Variants in DACH2 observed in about 807,000 individuals in gnomAD.
DACH2 encodes the protein dachshund family transcription factor 2, also known as dachshund homolog 2.
DACH2 carries 17 observed loss-of-function variants against 35.8 expected under a neutral mutation model. The observed-to-expected ratio is 0.48, with a 90% CI of 0.33 to 0.71. DACH2 has a LOEUF of 0.71. Ranked by LOEUF, DACH2 falls within the 30% of genes least tolerant of loss-of-function variation. DACH2 has a pLI of 0.02. For synonymous variants in DACH2, 195 were observed against 177.3 expected (o/e 1.10, Z -0.79); for missense variants, 469 against 472.7 (o/e 0.99, Z 0.07).
At chrX:86,604,157 T>C (rs1943036422) in intron 3 of DACH2, among the ~76,000 whole-genome samples, 2 of 111,464 alleles carry the variant, frequency 1.8e-5, no homozygotes, top group Non-Finnish European at 3.8e-5. Flanking sequence ...AATTTTAAAA[T>C]AATGTTGTTT....
At chrX:86,460,031 C>T (rs1050952789) in intron 2 of DACH2, among the ~76,000 whole-genome samples, 5 of 110,269 alleles carry the variant, frequency 4.5e-5, no homozygotes, top group Non-Finnish European at 7.6e-5. Context: ...AATTTTTTCT[C>T]CTAGTTTTAT....
chrX:86,418,524 C>G (rs2036747690), intron 2 of DACH2, among the ~76,000 whole-genome samples: 1 of 112,120 alleles, frequency 8.9e-6, no homozygotes, highest in Non-Finnish European at 1.9e-5. Flanking sequence ...GGCTTGCACC[C>G]TCTGAAGCCA....
chrX:86,225,042 C>A (rs951523003), intron 1 of DACH2, among the ~76,000 whole-genome samples: 3 of 111,165 alleles, frequency 2.7e-5, no homozygotes, highest in African/African-American at 9.8e-5. Flanking sequence ...ATTTGCGAGC[C>A]CTGGCATTAA....
intron 2 of DACH2, among the ~76,000 whole-genome samples, chrX:86,407,337 C>CT (rs2036542164): frequency 1.8e-5 from 2 of 111,700 alleles, no homozygotes; most frequent in Non-Finnish European, 3.8e-5. Context: ...TACACTGTTA[C>CT]TTTTTTATGA....
intron 2 of DACH2, among the ~76,000 whole-genome samples, chrX:86,389,117 C>G (rs940317843): frequency 8.9e-6 from 1 of 111,866 alleles, no homozygotes; most frequent in African/African-American, 3.2e-5. Flanking sequence ...ACTACTCATT[C>G]GTAGTATCAA....
intron 7 of DACH2, among the ~76,000 whole-genome samples, chrX:86,771,962 G>A (rs184075272): frequency 1.6e-3 from 183 of 111,636 alleles, no homozygotes; most frequent in African/African-American, 5.4e-3. Context: ...TCAGTTCAGC[G>A]TACTACAAGC....
intron 11 of DACH2, among the ~76,000 whole-genome samples, chrX:86,821,925 C>T (rs1892472041): frequency 9.0e-6 from 1 of 111,669 alleles, no homozygotes; most frequent in Non-Finnish European, 1.9e-5. Flanking sequence ...GTTGAGTCTA[C>T]AGGAGTAATT....
chrX:86,451,952 T>G (rs1232025296), intron 2 of DACH2, among the ~76,000 whole-genome samples: 1 of 111,867 alleles, frequency 8.9e-6, no homozygotes, highest in Non-Finnish European at 1.9e-5. Context: ...TTTCAGCTTT[T>G]GCTTATATAT....
chrX:86,497,090 G>T (rs1433849326), intron 2 of DACH2, among the ~76,000 whole-genome samples: 2 of 111,845 alleles, frequency 1.8e-5, no homozygotes, highest in African/African-American at 6.5e-5. Context: ...GATAGAGAAA[G>T]ACTTTAATCT....
intron 4 of DACH2, among the ~76,000 whole-genome samples, chrX:86,654,619 A>G (rs2040520197): frequency 9.0e-6 from 1 of 111,525 alleles, no homozygotes. Context: ...ATAGATAAGA[A>G]TAAAATTAAC....
intron 7 of DACH2, among the ~76,000 whole-genome samples, chrX:86,772,523 G>C (rs183898238): frequency 3.1e-4 from 34 of 111,424 alleles, no homozygotes; most frequent in Non-Finnish European, 5.5e-4. Context: ...TAAAAGTAAC[G>C]CATGAGTGTT....
chrX:86,400,201 G>A (rs764188354), intron 2 of DACH2, among the ~76,000 whole-genome samples: 7 of 111,688 alleles, frequency 6.3e-5, no homozygotes, highest in South Asian at 3.8e-4. Context: ...CATTCATCAC[G>A]TAATTCTCAT....
chrX:86,564,699 A>C (rs1373843775), intron 3 of DACH2, among the ~76,000 whole-genome samples: 5 of 111,541 alleles, frequency 4.5e-5, no homozygotes, highest in African/African-American at 1.6e-4. Context: ...ATGTAATATG[A>C]AATCTTCTAA....
At chrX:86,640,154 C>A (rs1019177289) in intron 3 of DACH2, among the ~76,000 whole-genome samples, 2 of 110,844 alleles carry the variant, frequency 1.8e-5, no homozygotes, top group Middle Eastern at 4.6e-3. Flanking sequence ...CATATCTCCT[C>A]ATCTGGCAGG....
chrX:86,442,542 T>G (rs775434271), intron 2 of DACH2, among the ~76,000 whole-genome samples: 1 of 110,233 alleles, frequency 9.1e-6, no homozygotes, highest in Non-Finnish European at 1.9e-5. Flanking sequence ...GTGCAGAAAC[T>G]TTTAAGTTTG....
chrX:86,410,844 G>A (rs983843137), intron 2 of DACH2, among the ~76,000 whole-genome samples: 1 of 106,179 alleles, frequency 9.4e-6, no homozygotes, highest in Admixed American at 1.0e-4. Flanking sequence ...CATGTTCACT[G>A]TCCTGACCTC....
At chrX:86,244,922 C>T (rs1360550346) in intron 1 of DACH2, among the ~76,000 whole-genome samples, 1 of 111,257 alleles carries the variant, frequency 9.0e-6, no homozygotes, top group Non-Finnish European at 1.9e-5. Flanking sequence ...TAAGTAAAAA[C>T]AAACTAGAAA....
At chrX:86,247,813 T>A (rs2147948307) in intron 1 of DACH2, among the ~76,000 whole-genome samples, 1 of 110,681 alleles carries the variant, frequency 9.0e-6, no homozygotes, top group South Asian at 3.9e-4. Context: ...GCAAACTAAA[T>A]CTAGCTGCAC....
intron 2 of DACH2, among the ~76,000 whole-genome samples, chrX:86,482,496 T>C (rs1038843331): frequency 2.7e-5 from 3 of 110,373 alleles, no homozygotes; most frequent in African/African-American, 9.9e-5. Context: ...GCAATAAACA[T>C]ACATGTGCAT....
Sources: allele counts gnomAD v4.1 joint callset (sites outside exome capture counted in the v4.1 genomes callset), GRCh38; gene constraint gnomAD v4.1.1; transcripts MANE v1.5; gene names NCBI Gene and HGNC (gene_info 2026-07-23, HGNC 2026-07-21).